TAF6: variants seen among roughly 807,000 people sequenced by gnomAD.
The protein encoded by TAF6 is transcription initiation factor TFIID subunit 6.
In TAF6, 50 loss-of-function variants were observed where a neutral mutation model predicts 73.5. The ratio of observed to expected loss-of-function variants is 0.68; its 90% CI spans 0.54 to 0.86. TAF6 has a LOEUF of 0.86. TAF6 is among the 40% of genes least tolerant of loss of function. The pLI, the probability that TAF6 is intolerant of heterozygous loss-of-function variation, is 0.00. For synonymous variants in TAF6, 424 were observed against 376.7 expected, an observed-to-expected ratio of 1.13 and a Z score of -1.45; for missense variants, 768 against 899.5, an observed-to-expected ratio of 0.85 and a Z score of 1.87.
At chr7:100,111,380 T>G in intron 9 of TAF6, 59 bp from the exon 10 acceptor site, 5 of 1,567,050 alleles carry the variant, frequency 3.2e-6, no homozygotes, top group Non-Finnish European at 4.3e-6. Flanking sequence ...TGAGATAAAG[T>G]CTTGCTCTGT....
chr7:100,107,721 G>C, intron 14 of TAF6, 98 bp from the exon 15 acceptor site: 1 of 1,507,130 alleles, frequency 6.6e-7, no homozygotes, highest in African/African-American at 1.4e-5. Flanking sequence ...TGAACAAGTT[G>C]TTCCTGTAGT....
At chr7:100,115,150 C>G (rs914477808) in intron 1 of TAF6, 1 of 152,124 alleles carries the variant, frequency 6.6e-6, no homozygotes, top group Admixed American at 6.5e-5. Context: ...CCTGAGCCAC[C>G]AGGCCCAGCC....
upstream of TAF6, chr7:100,124,374 G>T: frequency 1.5e-6 from 1 of 649,456 alleles, no homozygotes. Context: ...AATGAATGAG[G>T]ATTGCACATC....
At chr7:100,122,832 G>A, upstream of TAF6, 1 of 1,614,026 alleles carries the variant, frequency 6.2e-7, no homozygotes, top group Non-Finnish European at 8.5e-7. Flanking sequence ...GCAGAAGGGG[G>A]TGAAGGTGGA....
At chr7:100,116,209 A>G (rs1797658058) in intron 1 of TAF6, among the ~76,000 whole-genome samples, 1 of 152,176 alleles carries the variant, frequency 6.6e-6, no homozygotes, top group Non-Finnish European at 1.5e-5. Context: ...CACTTGCCAT[A>G]AAGTAAAACC....
At chr7:100,118,548 T>G in intron 1 of TAF6, 1 of 151,638 alleles carries the variant, frequency 6.6e-6, no homozygotes, top group Middle Eastern at 3.4e-3. Flanking sequence ...TCCCAGCTAC[T>G]TAGGAGGCTG....
At chr7:100,123,655 G>A (rs969519778), upstream of TAF6, among the ~76,000 whole-genome samples, 14 of 151,984 alleles carry the variant, frequency 9.2e-5, no homozygotes, top group African/African-American at 3.4e-4. Context: ...CGAGTAGCTG[G>A]GATTACAGGC....
intron 1 of TAF6, among the ~76,000 whole-genome samples, chr7:100,115,948 C>T (rs186665025): frequency 2.8e-3 from 421 of 151,990 alleles, no homozygotes; most frequent in Non-Finnish European, 4.3e-3. Context: ...TCCAGCCTGG[C>T]GACAGAGCGA....
At chr7:100,118,699 G>T in intron 1 of TAF6, 1 of 239,104 alleles carries the variant, frequency 4.2e-6, no homozygotes, top group Non-Finnish European at 6.8e-6. Context: ...ACTTGCAGTT[G>T]GACATTAGGA....
At chr7:100,110,541 G>C (rs546650683) in intron 10 of TAF6, among the ~76,000 whole-genome samples, 63 of 152,210 alleles carry the variant, frequency 4.1e-4, no homozygotes, top group African/African-American at 1.4e-3. Context: ...GCCAGGTGCA[G>C]TGGCTCATAC....
At chr7:100,119,492 C>G (rs1758313590), upstream of TAF6, 1 of 1,352,762 alleles carries the variant, frequency 7.4e-7, no homozygotes, top group Non-Finnish European at 9.7e-7. Flanking sequence ...ATAAGGAGCA[C>G]TCCCTCTTGG....
At position 100,108,682 on chromosome 7, in the gene TAF6, G is replaced by A. The variant is rs1041642903; in HGVS notation, c.1285-142C>T. 9.2e-5 allele frequency: 75 copies of A among 819,602 alleles called. 1 individual carries two copies. The highest frequency in any genetic ancestry group is 1.2e-4 in the Non-Finnish European group (65 of 534,228). 50.8% of individuals were successfully genotyped at this position (819,602 alleles called of 1,614,324 possible). A position where few individuals can be genotyped will look rare whatever the true frequency, so the allele number is the denominator to read the frequency against. On this transcript the variant is annotated intron_variant, in intron 12 of 14. Coordinates refer to ENST00000453269, the MANE Select transcript of TAF6 (RefSeq NM_139315.3). ...TTATCATCTCAGTGCCCCTGTTGAAGGCCAAATTATGCTGAACTATTAGTG... is the reference window on the plus strand; with the variant it reads ...TTATCATCTCAGTGCCCCTGTTGAAAGCCAAATTATGCTGAACTATTAGTG...
rs1477542488 is a variant in TAF6 at position 100,107,431 on chromosome 7, C to T, written c.1849G>A (p.Gly617Ser). The T allele has an allele frequency of 2.5e-6, 4 of 1,610,912 alleles. No individual in the cohort carries two copies. Among genetic ancestry groups the T allele is most frequent in the Admixed American group, 1.7e-5 (1 of 59,722 alleles). The change falls in exon 15 of 15, where the codon GGC becomes AGC. Residue 617 changes from glycine (G) to serine (S), a missense_variant. By Grantham distance (56) the Gly-to-Ser change is moderately conservative. Around this residue, in one of 5 missense-constraint regions of TAF6, gnomAD observed 350 missense variants for 352.3 expected, o/e 0.99. Transcript: ENST00000453269. ...GGATGGGAGGTGGGGCCTCCTTTGC[C>T]CTCCCCTGTTGGGGGAAGTGAGACC... ...IVVSLPPTGE[G>S]KGGPTSHPSP... is the part of the protein sequence containing the mutation.
At chr7:100,122,286 A>AGGCGGAACTGAGTCGCACC, upstream of TAF6, 2 of 1,614,130 alleles carry the variant, frequency 1.2e-6, no homozygotes, top group East Asian at 2.2e-5. Flanking sequence ...ACAGAGCTAC[A>AGGCGGAACTGAGTCGCACC]GGCGGAACTG....
At chr7:100,118,886 C>T in intron 1 of TAF6, 1 of 985,316 alleles carries the variant, frequency 1.0e-6, no homozygotes, top group Non-Finnish European at 1.2e-6. Flanking sequence ...ATACTCTGTG[C>T]CTGGCGCCGG....
chr7:100,116,493 G>GCC, intron 1 of TAF6: 1 of 152,036 alleles, frequency 6.6e-6, no homozygotes, highest in African/African-American at 2.4e-5. Flanking sequence ...AAAAAAATTA[G>GCC]ATGGGCATGG....
At chr7:100,114,387 G>GT (rs1562931190) in intron 1 of TAF6, 119 bp from the exon 2 acceptor site, 2 of 1,020,532 alleles carry the variant, frequency 2.0e-6, no homozygotes, top group Non-Finnish European at 3.0e-6. Context: ...CCATCCCCAC[G>GT]TGAGTCAGCC....
Position 100,119,250 on chromosome 7 carries a change from G to A in TAF6, c.-106C>T, listed in dbSNP as rs1245279102. 7.9e-6 allele frequency: 8 copies of A among 1,008,472 alleles called. No individual in the cohort carries two copies. The highest frequency in any genetic ancestry group is 1.7e-5 in the African/African-American group (1 of 57,334). 62.5% of individuals were successfully genotyped at this position (1,008,472 alleles called of 1,614,324 possible). The stretch of plus-strand genomic sequence containing the variant: ...AAGGGACCTTCAAAGGGTCTCCTCC[G>A]GGGTACCACTCAGACCCGCCCCCGC... On this transcript the variant is annotated 5_prime_UTR_variant, in exon 1 of 15. Transcript: ENST00000453269.
Position 100,111,686 on chromosome 7 carries a change from G to T in TAF6, c.900+42C>A, listed in dbSNP as rs1455366099. The T allele has an allele frequency of 3.1e-6, 5 of 1,595,184 alleles. No homozygotes were observed. The African/African-American group carries it at 4.0e-5, about 13-fold the overall frequency. ...ACTGACTTCCTGTTGGTGGCAGCAG[G>T]GTCCCTAGTCCCTGGAAGGGAGGAT... On this transcript the variant is annotated intron_variant, in intron 9 of 14. Transcript: ENST00000453269.
Sources: gnomAD v4.1 joint callset for allele counts (sites outside exome capture counted in the v4.1 genomes callset) on GRCh38, gnomAD v4.1.1 for gene constraint, gnomAD v4.1.1 regional missense constraint, MANE v1.5 for transcripts, NCBI Gene and HGNC (gene_info 2026-07-23, HGNC 2026-07-21) for gene names.